Variants in CCDC126 observed in about 807,000 individuals in gnomAD.
CCDC126 encodes the protein coiled-coil domain-containing protein 126.
Under a neutral mutation model 11.7 loss-of-function variants are expected in CCDC126, and 5 were observed. The observed-to-expected ratio is 0.43, with a 90% confidence interval of 0.22 to 0.90. CCDC126 has a LOEUF of 0.90. Among genes scored for constraint, CCDC126 ranks in the 40% least tolerant of loss-of-function variants. The pLI is 0.27. For synonymous variants in CCDC126, 60 were observed against 61.9 expected (o/e 0.97, Z 0.14); for missense variants, 150 against 163.1 (o/e 0.92, Z 0.44).
intron 3 of CCDC126, 87 bp from the exon 4 acceptor site, chr7:23,642,844 A>G (rs778991552): frequency 2.3e-5 from 24 of 1,049,448 alleles, no homozygotes; most frequent in Non-Finnish European, 3.4e-5. Flanking sequence ...ATGACCCAGT[A>G]GTTGTTCACC....
intron 3 of CCDC126, among the ~76,000 whole-genome samples, chr7:23,638,566 A>G (rs546271931): frequency 0.016 from 2,065 of 126,296 alleles, 75 homozygotes; most frequent in African/African-American, 0.062. Context: ...GTACCCAGGG[A>G]CACAAACACT....
intron 3 of CCDC126, among the ~76,000 whole-genome samples, chr7:23,640,716 A>C (rs1198047195): frequency 6.6e-6 from 1 of 152,080 alleles, no homozygotes; most frequent in East Asian, 1.9e-4. Context: ...TACATATTCT[A>C]TATAAGTGGA....
At chr7:23,612,492 A>AC (rs1260747313) in intron 3 of CCDC126, among the ~76,000 whole-genome samples, 5 of 149,056 alleles carry the variant, frequency 3.4e-5, no homozygotes, top group Admixed American at 6.7e-5. Flanking sequence ...AAAAAAAAAA[A>AC]AAAAAAAAAC....
intron 3 of CCDC126, among the ~76,000 whole-genome samples, chr7:23,639,428 G>T (rs1457660171): frequency 6.6e-6 from 1 of 152,088 alleles, no homozygotes; most frequent in South Asian, 2.1e-4. Context: ...GGTCTTGAAT[G>T]CCTGACCTCA....
intron 3 of CCDC126, among the ~76,000 whole-genome samples, chr7:23,635,972 C>T (rs930552768): frequency 2.0e-5 from 3 of 152,174 alleles, no homozygotes; most frequent in African/African-American, 7.2e-5. Context: ...CGGCTCACTG[C>T]AACCTCCCTG....
In CCDC126 at chr7:23,607,626, C is replaced by G. The variant is rs191049469; in HGVS notation, c.-145-3545C>G. Among the ~76,000 whole-genome samples, 108 of 152,264 alleles carry G rather than the reference C, an allele frequency of 7.1e-4. No individual in the cohort carries two copies. The Middle Eastern group carries it at 0.01, about 14-fold the overall frequency. On this transcript the variant is annotated intron_variant, in intron 2 of 3. Transcript: ENST00000307471. ...TTCTTATGTGAAATCACAGACAGTT[C>G]TCTGAGAATAGAACAGTGAGTGTAT...
In CCDC126 at chr7:23,636,877, G is replaced by C. The variant is rs1419365054; in HGVS notation, c.239-6054G>C. On this transcript the variant is annotated intron_variant, in intron 3 of 3. Transcript: ENST00000307471. Reference sequence around the variant, plus strand: ...AGTGAGGAGCCCCTCTGCCCGGCCAGTCGCCCCGTCCAGGAGGGAGGTGGG... The same window carrying C: ...AGTGAGGAGCCCCTCTGCCCGGCCACTCGCCCCGTCCAGGAGGGAGGTGGG... Among the ~76,000 whole-genome samples the C allele has an allele frequency of 4.8e-5, 5 of 104,668 alleles. 1 individual carries two copies. The East Asian group carries it at 8.8e-4, about 18-fold the overall frequency. The allele number at this position is 104,668 out of a possible 152,430, so 68.7% of individuals were successfully genotyped here. A position where few individuals can be genotyped will look rare whatever the true frequency, so the allele number is the denominator to read the frequency against.
chr7:23,616,148 A>G (rs540804771), intron 3 of CCDC126, among the ~76,000 whole-genome samples: 48 of 152,340 alleles, frequency 3.2e-4, no homozygotes, highest in Non-Finnish European at 6.0e-4. Context: ...TTCTTTGCCT[A>G]GTTTTCTACT....
chr7:23,612,573 T>A (rs1346022088), intron 3 of CCDC126, among the ~76,000 whole-genome samples: 1 of 149,398 alleles, frequency 6.7e-6, no homozygotes, highest in Non-Finnish European at 1.5e-5. Flanking sequence ...GTCGGGAGGC[T>A]GAGGTGGGAA....
intron 3 of CCDC126, among the ~76,000 whole-genome samples, chr7:23,630,188 G>A (rs758357119): frequency 6.6e-6 from 1 of 152,138 alleles, no homozygotes; most frequent in Non-Finnish European, 1.5e-5. Context: ...CAACAATAGT[G>A]GAATGCACAT....
chr7:23,638,200 C>A (rs1272522757), intron 3 of CCDC126, among the ~76,000 whole-genome samples: 1 of 152,000 alleles, frequency 6.6e-6, no homozygotes, highest in East Asian at 2.0e-4. Flanking sequence ...CGGCCACGAC[C>A]CCGTCTGGGA....
In CCDC126 at chr7:23,644,192, TA is replaced by T. The variant is rs774898939; in HGVS notation, c.*1081del. 1.3e-5 allele frequency: 2 copies of T among 152,154 alleles called. No homozygotes were observed. Among genetic ancestry groups the T allele is most frequent in the African/African-American group, 2.4e-5 (1 of 41,446 alleles). 9.4% of individuals were successfully genotyped at this position (152,154 alleles called of 1,614,324 possible). On this transcript the variant is annotated 3_prime_UTR_variant, in exon 4 of 4. Transcript: ENST00000307471. ...ATATTCATTTTATATAATGGCCACT[TA>T]AAATAAGAACATTTAAAATATAAAC...
intron 3 of CCDC126, among the ~76,000 whole-genome samples, chr7:23,631,065 T>A (rs73287838): frequency 0.012 from 1,836 of 151,714 alleles, 39 homozygotes; most frequent in African/African-American, 0.042. Flanking sequence ...AGGAAAAGTC[T>A]CAAATCCGTA....
intron 3 of CCDC126, among the ~76,000 whole-genome samples, chr7:23,638,732 A>AAAAAAAAAAAAAAAC (rs1783293037): frequency 7.1e-6 from 1 of 140,526 alleles, no homozygotes; most frequent in African/African-American, 2.5e-5. Flanking sequence ...AAAATTAAAA[A>AAAAAAAAAAAAAAAC]AAAAAAAAAA....
chr7:23,611,662 T>C, intron 3 of CCDC126, 109 bp downstream of exon 3: 2 of 740,818 alleles, frequency 2.7e-6, no homozygotes, highest in South Asian at 1.8e-5. Flanking sequence ...TAATTTTTTC[T>C]TGACTTTTTA....
At chr7:23,600,334 T>C (rs1017573729) in intron 2 of CCDC126, among the ~76,000 whole-genome samples, 32 of 151,680 alleles carry the variant, frequency 2.1e-4, no homozygotes, top group Non-Finnish European at 1.6e-4. Flanking sequence ...ATTTTAAATC[T>C]TAGACCTTAT....
intron 3 of CCDC126, among the ~76,000 whole-genome samples, chr7:23,620,727 C>T (rs1294109586): frequency 6.6e-6 from 1 of 152,216 alleles, no homozygotes; most frequent in Non-Finnish European, 1.5e-5. Context: ...ACATCTAAGT[C>T]TTTAATCCAT....
Position 23,644,663 on chromosome 7 carries a change from T to C in CCDC126, c.*1548T>C, listed in dbSNP as rs1325084973. 1 of 152,576 alleles carries C rather than the reference T, an allele frequency of 6.6e-6. No homozygotes were observed. Among genetic ancestry groups the C allele is most frequent in the Non-Finnish European group, 1.5e-5 (1 of 67,992 alleles). 9.5% of individuals were successfully genotyped at this position (152,576 alleles called of 1,614,324 possible). Reference sequence around the variant, plus strand: ...CTATTAGATGTGGACATTTTTGTTTTTGTTTTTGTTTTCAGGGATGAAATA... The same window carrying C: ...CTATTAGATGTGGACATTTTTGTTTCTGTTTTTGTTTTCAGGGATGAAATA... On this transcript the variant is annotated 3_prime_UTR_variant, in exon 4 of 4. Transcript: ENST00000307471.
intron 3 of CCDC126, among the ~76,000 whole-genome samples, chr7:23,625,824 T>G (rs1158230926): frequency 2.6e-5 from 4 of 151,232 alleles, no homozygotes; most frequent in Non-Finnish European, 5.9e-5. Context: ...CCCAGCTAAT[T>G]TTTTTTGTAT....
Sources: gnomAD v4.1 joint callset for allele counts (sites outside exome capture counted in the v4.1 genomes callset) on GRCh38, gnomAD v4.1.1 for gene constraint, MANE v1.5 for transcripts, NCBI Gene and HGNC (gene_info 2026-07-23, HGNC 2026-07-21) for gene names.